The following GLI3 variants were observed in gnomAD, a reference collection of about 807,000 sequenced individuals.
GLI3 encodes the protein transcription activator GLI3.
A neutral mutation model predicts 100.8 loss-of-function variants in GLI3; 20 were observed. The observed-to-expected ratio is 0.20, with a 90% CI of 0.14 to 0.29. GLI3 has a LOEUF of 0.29. GLI3 is among the 10% of genes least tolerant of loss of function. The pLI, the probability that GLI3 is intolerant of heterozygous loss-of-function variation, is 1.00. For synonymous variants in GLI3, 938 were observed against 860.5 expected, an observed-to-expected ratio of 1.09 and a Z score of -1.58; for missense variants, 2,040 against 2,128.5, an observed-to-expected ratio of 0.96 and a Z score of 0.82.
intron 3 of GLI3, among the ~76,000 whole-genome samples, chr7:42,079,730 A>G (rs1784960048): frequency 6.6e-6 from 1 of 152,156 alleles, no homozygotes; most frequent in Admixed American, 6.5e-5. Context: ...TCTTTATTTC[A>G]TGGCTTTTGG....
At chr7:41,968,742 AAGAAAG>A (rs1171824020) in intron 13 of GLI3, among the ~76,000 whole-genome samples, 14 of 128,656 alleles carry the variant, frequency 1.1e-4, no homozygotes, top group African/African-American at 4.8e-4. Context: ...GAAAGAAAGA[AAGAAAG>A]AAAGAAAGAA....
At chr7:42,036,025 T>C (rs896274769) in intron 7 of GLI3, among the ~76,000 whole-genome samples, 18 of 152,238 alleles carry the variant, frequency 1.2e-4, no homozygotes, top group Non-Finnish European at 2.6e-4. Flanking sequence ...CAATGCATTT[T>C]AAAAAATCTG....
chr7:42,039,692 G>C (rs778440537), intron 7 of GLI3, among the ~76,000 whole-genome samples: 16 of 152,128 alleles, frequency 1.1e-4, no homozygotes, highest in Non-Finnish European at 2.1e-4. Flanking sequence ...ATACAACCAG[G>C]TATGAAGTCA....
At chr7:42,218,456 A>G (rs1408541763) in intron 2 of GLI3, among the ~76,000 whole-genome samples, 1 of 150,962 alleles carries the variant, frequency 6.6e-6, no homozygotes, top group East Asian at 2.0e-4. Flanking sequence ...ATTACTTTTA[A>G]AGGCAAAAAC....
chr7:42,180,890 A>T (rs966007453), intron 2 of GLI3, among the ~76,000 whole-genome samples: 1 of 152,228 alleles, frequency 6.6e-6, no homozygotes, highest in Non-Finnish European at 1.5e-5. Context: ...CCTCTGGCAA[A>T]CCTGGACCTG....
intron 2 of GLI3, among the ~76,000 whole-genome samples, chr7:42,170,694 G>A (rs778702388): frequency 3.9e-5 from 6 of 152,086 alleles, no homozygotes; most frequent in African/African-American, 7.2e-5. Context: ...GAGCCACCAC[G>A]TCTGGCCTTG....
upstream of GLI3, among the ~76,000 whole-genome samples, chr7:42,242,176 G>A (rs566830471): frequency 6.6e-6 from 1 of 152,256 alleles, no homozygotes; most frequent in East Asian, 1.9e-4. Flanking sequence ...TTAAAGCTGG[G>A]TAACAAGCAG....
At chr7:42,075,214 T>G (rs1784855320) in intron 4 of GLI3, among the ~76,000 whole-genome samples, 1 of 152,212 alleles carries the variant, frequency 6.6e-6, no homozygotes, top group South Asian at 2.1e-4. Context: ...TTCAGCCTAT[T>G]ATATAAACTC....
intron 3 of GLI3, among the ~76,000 whole-genome samples, chr7:42,139,273 GT>G (rs1786508338): frequency 6.6e-6 from 1 of 152,080 alleles, no homozygotes; most frequent in Non-Finnish European, 1.5e-5. Flanking sequence ...TATTTCCTAT[GT>G]TTTTTATTTG....
intron 4 of GLI3, among the ~76,000 whole-genome samples, chr7:42,059,621 T>A (rs1489016666): frequency 6.6e-6 from 1 of 152,224 alleles, no homozygotes; most frequent in Non-Finnish European, 1.5e-5. Context: ...AAAAGAGACA[T>A]TCATATGTCC....
chr7:42,186,222 A>C (rs1056001413), intron 2 of GLI3, among the ~76,000 whole-genome samples: 1 of 152,128 alleles, frequency 6.6e-6, no homozygotes, highest in Non-Finnish European at 1.5e-5. Flanking sequence ...TCCTCCTTCC[A>C]GCTCCCCAGA....
chr7:41,977,810 A>G, intron 11 of GLI3, 88 bp from the exon 12 acceptor site: 1 of 1,210,106 alleles, frequency 8.3e-7, no homozygotes, highest in Non-Finnish European at 1.2e-6. Flanking sequence ...TGAAAAACTG[A>G]TGTTTCAAGG....
intron 10 of GLI3, among the ~76,000 whole-genome samples, chr7:42,003,776 C>T (rs556918623): frequency 6.6e-6 from 1 of 152,256 alleles, no homozygotes; most frequent in South Asian, 2.1e-4. Flanking sequence ...AATTATTATG[C>T]TACGTAAGGC....
At position 41,966,031 on chromosome 7, in the gene GLI3, C is replaced by T. The variant is rs1455270015; in HGVS notation, c.3042G>A (p.Glu1014=). 4.4e-5 allele frequency: 70 copies of T among 1,592,968 alleles called. No homozygotes were observed. The highest frequency in any genetic ancestry group is 5.4e-5 in the Non-Finnish European group (64 of 1,176,018). ...RASDPVRTGS[E]GLALPRVPRF... is the part of the protein sequence containing the mutation. ...GCGGCACACGAGGCAGGGCCAGGCC[C>T]TCGGAGCCTGTCCGCACCGGGTCGC... The change falls in exon 15 of 15, where the codon GAG becomes GAA. Residue 1014 remains glutamate (E), a synonymous_variant. Coordinates refer to ENST00000395925, the MANE Select transcript of GLI3 (RefSeq NM_000168.6). This position sits in a 1 kb window ranked among gnomAD's most constrained non-coding sequence, Gnocchi z 5.8.
At chr7:42,139,679 C>CA (rs1281981906) in intron 3 of GLI3, among the ~76,000 whole-genome samples, 2 of 152,046 alleles carry the variant, frequency 1.3e-5, no homozygotes, top group Non-Finnish European at 2.9e-5. Flanking sequence ...AACTCCATCT[C>CA]AAAAAAATAT....
chr7:42,077,299 G>C (rs1043890179), intron 3 of GLI3, among the ~76,000 whole-genome samples: 22 of 151,672 alleles, frequency 1.5e-4, no homozygotes, highest in African/African-American at 5.3e-4. Context: ...TTTCTCCCAT[G>C]CTCACCATAC....
chr7:41,966,360 G>A lies in GLI3; in HGVS notation c.2713C>T (p.Arg905Cys), dbSNP rs1484058686. Residue 905 changes from arginine (R) to cysteine (C), a missense_variant, in exon 15 of 15, where the codon CGC (arginine) becomes TGC (cysteine). Coordinates refer to ENST00000395925, the MANE Select transcript of GLI3 (RefSeq NM_000168.6). This position sits in a 1 kb window ranked among gnomAD's most constrained non-coding sequence, Gnocchi z 5.8. The stretch of plus-strand genomic sequence containing the variant: ...TCGCTCTGGCTGGCTTCGCTGGAGC[G>A]GCGCGAGGCGTCGGTGGAGATGGGG... Reference protein sequence around the residue: ...YDPISTDASRRSSEASQSDGL... With the variant: ...YDPISTDASRCSSEASQSDGL... The A allele has an allele frequency of 7.5e-6, 12 of 1,608,386 alleles. No homozygotes were observed. Among genetic ancestry groups the A allele is most frequent in the Non-Finnish European group, 1.0e-5 (12 of 1,179,274 alleles).
At chr7:41,996,530 A>G (rs1008623442) in intron 10 of GLI3, among the ~76,000 whole-genome samples, 2 of 152,218 alleles carry the variant, frequency 1.3e-5, no homozygotes, top group African/African-American at 4.8e-5. Context: ...GACAGACACA[A>G]TATCCCAGAG....
intron 2 of GLI3, among the ~76,000 whole-genome samples, chr7:42,205,340 G>A (rs752045363): frequency 1.8e-4 from 28 of 152,104 alleles, no homozygotes; most frequent in Non-Finnish European, 3.2e-4. Flanking sequence ...GGTAACTTAA[G>A]GTCAAGGGTA....
Sources: allele counts gnomAD v4.1 joint callset (sites outside exome capture counted in the v4.1 genomes callset), GRCh38; gene constraint gnomAD v4.1.1; non-coding constraint Gnocchi (gnomAD v3.1); transcripts MANE v1.5; gene names NCBI Gene and HGNC (gene_info 2026-07-23, HGNC 2026-07-21).